The following METTL15 variants were observed in gnomAD, a reference collection of about 807,000 sequenced individuals.
METTL15 encodes the protein 12S rRNA N(4)-cytidine methyltransferase METTL15.
A neutral mutation model predicts 38.3 loss-of-function variants in METTL15; 34 were observed. The ratio of observed to expected loss-of-function variants is 0.89; its 90% confidence interval spans 0.68 to 1.18. METTL15 has a LOEUF of 1.18. METTL15 is among the 50% of genes most tolerant of loss of function. The probability of loss-of-function intolerance (pLI) is 0.00; values close to 1 mark genes in which losing one functional copy is unlikely to be tolerated. For missense variants in METTL15, 438 were observed against 498.4 expected (o/e 0.88, Z 1.15); for synonymous variants, 162 against 170.9 (o/e 0.95, Z 0.41).
intron 5 of METTL15, among the ~76,000 whole-genome samples, chr11:28,291,438 C>T (rs1362227087): frequency 6.6e-6 from 1 of 152,104 alleles, no homozygotes; most frequent in Non-Finnish European, 1.5e-5. Flanking sequence ...GAATGGACAG[C>T]CTATACCTGT....
chr11:28,245,488 C>T lies in METTL15; in HGVS notation c.407+34290C>T, dbSNP rs781556941. Reference sequence around the variant, plus strand: ...TACAAAGCTTGATTTTTTTAGTGATCATGAAAAAAAAAGTATCACATGAAA... The same window carrying T: ...TACAAAGCTTGATTTTTTTAGTGATTATGAAAAAAAAAGTATCACATGAAA... On this transcript the variant is annotated intron_variant, in intron 4 of 6. Coordinates refer to ENST00000407364, the MANE Select transcript of METTL15 (RefSeq NM_001113528.2). Among the ~76,000 whole-genome samples, 5 of 150,588 alleles carry T rather than the reference C, an allele frequency of 3.3e-5. No homozygotes were observed. In the East Asian group the frequency reaches 7.8e-4, roughly 23 times the overall value.
In METTL15 at chr11:28,410,396, C is replaced by G. The variant is rs79702548; in HGVS notation, c.*359-13903C>G. ...GAATAAAATAGTAGCAAACTGAATT[C>G]AACAACACATCAAAGAGACTATACA... On this transcript the variant is annotated intron_variant and NMD_transcript_variant, in intron 5 of 7. Transcript: ENST00000532947. 7.5e-4 allele frequency among the ~76,000 whole-genome samples: 114 copies of G among 152,140 alleles called. 2 individuals are homozygous for G. In the East Asian group the frequency reaches 0.021, roughly 29 times the overall value.
chr11:28,304,409 A>G (rs921761302), intron 6 of METTL15, among the ~76,000 whole-genome samples: 4 of 152,154 alleles, frequency 2.6e-5, no homozygotes, highest in African/African-American at 9.7e-5. Context: ...AACCTTCAAA[A>G]TAAAAGATAA....
At chr11:28,452,534 T>C (rs1257698460) in intron 6 of METTL15, among the ~76,000 whole-genome samples, 1 of 152,160 alleles carries the variant, frequency 6.6e-6, no homozygotes, top group Non-Finnish European at 1.5e-5. Context: ...CACATGGTGG[T>C]GATGTTTGCA....
chr11:28,136,518 G>A (rs1226794149), intron 3 of METTL15, among the ~76,000 whole-genome samples: 2 of 152,122 alleles, frequency 1.3e-5, no homozygotes, highest in African/African-American at 4.8e-5. Flanking sequence ...AGCAGAATGA[G>A]AACAGACTAA....
At chr11:28,436,991 TTGC>T (rs916541519) in intron 6 of METTL15, among the ~76,000 whole-genome samples, 1 of 152,208 alleles carries the variant, frequency 6.6e-6, no homozygotes. Flanking sequence ...TGAAGCTGAC[TTGC>T]AGAGTCTTCC....
At chr11:28,250,049 C>T (rs558827120) in intron 4 of METTL15, among the ~76,000 whole-genome samples, 11 of 152,062 alleles carry the variant, frequency 7.2e-5, no homozygotes, top group Admixed American at 2.6e-4. Flanking sequence ...GCAAAAGACA[C>T]GATCTTATTC....
At chr11:28,323,743 A>G (rs965115481) in intron 6 of METTL15, among the ~76,000 whole-genome samples, 10 of 152,216 alleles carry the variant, frequency 6.6e-5, no homozygotes, top group African/African-American at 2.4e-4. Flanking sequence ...GATATATCCC[A>G]GATGCAGAGC....
chr11:28,276,493 T>C (rs946868945), intron 4 of METTL15, among the ~76,000 whole-genome samples: 1 of 152,076 alleles, frequency 6.6e-6, no homozygotes, highest in African/African-American at 2.4e-5. Context: ...AGAACTAATA[T>C]CATTACAGTG....
At chr11:28,429,269 T>A (rs879768652) in intron 6 of METTL15, among the ~76,000 whole-genome samples, 1 of 152,120 alleles carries the variant, frequency 6.6e-6, no homozygotes, top group Non-Finnish European at 1.5e-5. Context: ...TAGATGACAA[T>A]TAAAGAAGAT....
intron 2 of METTL15, among the ~76,000 whole-genome samples, chr11:28,111,282 C>T (rs772100846): frequency 1.6e-4 from 24 of 152,262 alleles, no homozygotes; most frequent in Non-Finnish European, 2.5e-4. Flanking sequence ...GTTTTTCCCC[C>T]GCTACTCTGC....
chr11:28,261,989 C>T (rs1855223242), intron 4 of METTL15, among the ~76,000 whole-genome samples: 1 of 152,110 alleles, frequency 6.6e-6, no homozygotes, highest in Non-Finnish European at 1.5e-5. Flanking sequence ...GAGAACTAAT[C>T]ATTGGCAGAG....
chr11:28,154,460 A>C (rs1565128516), intron 3 of METTL15, among the ~76,000 whole-genome samples: 1 of 152,112 alleles, frequency 6.6e-6, no homozygotes. Context: ...GAGGGTATAG[A>C]TAAGCTCTAG....
At chr11:28,301,742 A>T (rs1856920131) in intron 6 of METTL15, among the ~76,000 whole-genome samples, 3 of 152,182 alleles carry the variant, frequency 2.0e-5, no homozygotes, top group Admixed American at 2.0e-4. Flanking sequence ...AAAATGTTAA[A>T]TAACATGTTT....
At chr11:28,110,587 G>T (rs1045350024) in intron 2 of METTL15, among the ~76,000 whole-genome samples, 186 bp downstream of exon 2, 1 of 152,168 alleles carries the variant, frequency 6.6e-6, no homozygotes, top group Non-Finnish European at 1.5e-5. Context: ...TCGTCAGAGC[G>T]TAATTCTTAG....
At chr11:28,412,970 A>G (rs1243782157) in intron 5 of METTL15, among the ~76,000 whole-genome samples, 1 of 152,078 alleles carries the variant, frequency 6.6e-6, no homozygotes, top group East Asian at 1.9e-4. Context: ...TAACCATTAT[A>G]CTATCTATAT....
intron 5 of METTL15, among the ~76,000 whole-genome samples, chr11:28,396,673 A>G (rs1850572517): frequency 6.6e-6 from 1 of 152,170 alleles, no homozygotes; most frequent in East Asian, 1.9e-4. Context: ...GCCCAAGGTA[A>G]TTTATAGATT....
chr11:28,134,117 C>G (rs1445532014), intron 3 of METTL15, among the ~76,000 whole-genome samples: 3 of 152,046 alleles, frequency 2.0e-5, no homozygotes, highest in African/African-American at 4.8e-5. Context: ...GTTGTTGATT[C>G]AAGATTTTTT....
intron 4 of METTL15, among the ~76,000 whole-genome samples, chr11:28,286,970 T>C (rs1179698709): frequency 6.6e-6 from 1 of 150,868 alleles, no homozygotes; most frequent in Non-Finnish European, 1.5e-5. Flanking sequence ...ACTATATATA[T>C]ATGTACTCTC....
Sources: gnomAD v4.1 joint callset for allele counts (sites outside exome capture counted in the v4.1 genomes callset) on GRCh38, gnomAD v4.1.1 for gene constraint, MANE v1.5 for transcripts, NCBI Gene and HGNC (gene_info 2026-07-23, HGNC 2026-07-21) for gene names.